The following GRM7 variants were observed in gnomAD, a reference collection of about 807,000 sequenced individuals.
GRM7 encodes the protein glutamate metabotropic receptor 7.
In GRM7, 35 loss-of-function variants were observed where a neutral mutation model predicts 84.5. That is an observed-to-expected ratio of 0.41 (90% CI 0.32 to 0.55). The LOEUF is 0.55. GRM7 is among the 20% of genes least tolerant of loss of function. GRM7 has a pLI of 0.19. For synonymous variants in GRM7, 487 were observed against 455.1 expected (o/e 1.07, Z -0.89); for missense variants, 1,003 against 1,194.6 (o/e 0.84, Z 2.36).
At chr3:7,306,704 T>A in intron 4 of GRM7, 52 bp downstream of exon 4, 1 of 1,451,916 alleles carries the variant, frequency 6.9e-7, no homozygotes, top group Non-Finnish European at 9.3e-7. Context: ...GGTGCCATGC[T>A]GAATGGCCAA....
intron 2 of GRM7, among the ~76,000 whole-genome samples, chr3:7,260,457 T>C (rs923362489): frequency 1.3e-5 from 2 of 152,310 alleles, no homozygotes; most frequent in South Asian, 4.1e-4. Flanking sequence ...CAGGAATTTA[T>C]CCGTTTCTTC....
intron 1 of GRM7, among the ~76,000 whole-genome samples, chr3:7,017,743 T>C (rs6778710): frequency 0.6 from 90,532 of 152,010 alleles, 27,687 homozygotes; most frequent in African/African-American, 0.73. Context: ...TTTTAAAAAG[T>C]TGCCCATATG....
At chr3:6,901,603 C>CAAAAAAAAAAAAAAAAAAAAAAA (rs1160836530) in intron 1 of GRM7, among the ~76,000 whole-genome samples, 1 of 19,330 alleles carries the variant, frequency 5.2e-5, no homozygotes, top group East Asian at 2.5e-3. Context: ...AAGACTCCGT[C>CAAAAAAAAAAAAAAAAAAAAAAA]TAAAAAAAAA....
At chr3:7,488,905 CTACA>C (rs1287246537) in intron 7 of GRM7, among the ~76,000 whole-genome samples, 3 of 112,840 alleles carry the variant, frequency 2.7e-5, no homozygotes, top group Non-Finnish European at 5.7e-5. Flanking sequence ...GAAGACACTA[CTACA>C]TAGACTGTGT....
intron 9 of GRM7, among the ~76,000 whole-genome samples, chr3:7,683,779 G>T (rs1204599804): frequency 1.3e-5 from 2 of 152,126 alleles, no homozygotes; most frequent in Non-Finnish European, 2.9e-5. Context: ...TATTTACATT[G>T]TATTTAAATT....
intron 1 of GRM7, among the ~76,000 whole-genome samples, chr3:7,033,644 T>C (rs1696272722): frequency 1.3e-5 from 2 of 152,342 alleles, no homozygotes; most frequent in Non-Finnish European, 1.5e-5. Context: ...GTCAAACTAA[T>C]TTCTTTTTAC....
At chr3:7,137,927 C>T (rs1463109478) in intron 1 of GRM7, among the ~76,000 whole-genome samples, 1 of 152,072 alleles carries the variant, frequency 6.6e-6, no homozygotes, top group Admixed American at 6.6e-5. Context: ...GAAGACAACA[C>T]ATCAGAGAAG....
chr3:7,415,993 T>G (rs1696143319), intron 5 of GRM7, among the ~76,000 whole-genome samples: 1 of 152,004 alleles, frequency 6.6e-6, no homozygotes, highest in Non-Finnish European at 1.5e-5. Flanking sequence ...GATGCTTGAG[T>G]CAAGATAAAA....
intron 1 of GRM7, among the ~76,000 whole-genome samples, chr3:7,092,519 A>C (rs1052123600): frequency 6.6e-6 from 1 of 151,944 alleles, no homozygotes; most frequent in Non-Finnish European, 1.5e-5. Flanking sequence ...TCAAATGCTT[A>C]CTGACAGTGA....
intron 2 of GRM7, among the ~76,000 whole-genome samples, chr3:7,265,080 G>A (rs1055129347): frequency 6.6e-6 from 1 of 152,210 alleles, no homozygotes; most frequent in African/African-American, 2.4e-5. Flanking sequence ...TGCAAAGAGG[G>A]CAGCTAGATT....
chr3:6,967,263 A>T (rs1366932621), intron 1 of GRM7, among the ~76,000 whole-genome samples: 1 of 152,048 alleles, frequency 6.6e-6, no homozygotes, highest in Admixed American at 6.5e-5. Context: ...ATCACAGCTC[A>T]CTCACTGCAG....
intron 4 of GRM7, among the ~76,000 whole-genome samples, chr3:7,355,382 C>T (rs1693349759): frequency 6.6e-6 from 1 of 152,068 alleles, no homozygotes; most frequent in African/African-American, 2.4e-5. Context: ...GTCCAGGCAC[C>T]TGTGCAAACT....
intron 7 of GRM7, among the ~76,000 whole-genome samples, chr3:7,575,071 G>T (rs1459943219): frequency 6.6e-6 from 1 of 151,994 alleles, no homozygotes; most frequent in Non-Finnish European, 1.5e-5. Flanking sequence ...TGCATAATTT[G>T]CTCTTTCCCT....
At chr3:7,497,843 A>G (rs1227363507) in intron 7 of GRM7, among the ~76,000 whole-genome samples, 2 of 152,216 alleles carry the variant, frequency 1.3e-5, no homozygotes, top group African/African-American at 2.4e-5. Flanking sequence ...TAATGAAAAT[A>G]CTAATGCCCA....
intron 2 of GRM7, among the ~76,000 whole-genome samples, chr3:7,240,267 A>G (rs1003478942): frequency 7.3e-5 from 11 of 151,586 alleles, no homozygotes; most frequent in African/African-American, 2.2e-4. Flanking sequence ...GAATATAAAA[A>G]TATAAAATTA....
intron 1 of GRM7, among the ~76,000 whole-genome samples, chr3:7,033,132 C>T (rs1307410434): frequency 6.6e-5 from 10 of 152,078 alleles, no homozygotes; most frequent in East Asian, 1.9e-4. Flanking sequence ...GTAAATGCAT[C>T]GCTCCAATTT....
chr3:7,225,556 A>G (rs1208307503), intron 2 of GRM7, among the ~76,000 whole-genome samples: 1 of 147,942 alleles, frequency 6.8e-6, no homozygotes, highest in East Asian at 1.9e-4. Flanking sequence ...ATATAAATAT[A>G]TTTATATATA....
chr3:7,264,484 T>C (rs1209798940), intron 2 of GRM7, among the ~76,000 whole-genome samples: 1 of 152,078 alleles, frequency 6.6e-6, no homozygotes, highest in Non-Finnish European at 1.5e-5. Flanking sequence ...TCCTTGCCTG[T>C]TCAACTCACC....
At chr3:7,623,122 G>T (rs577762047) in intron 8 of GRM7, among the ~76,000 whole-genome samples, 1 of 152,234 alleles carries the variant, frequency 6.6e-6, no homozygotes, top group East Asian at 1.9e-4. Flanking sequence ...TGTTATAAAG[G>T]CACACACGAG....
Sources: allele counts gnomAD v4.1 joint callset (sites outside exome capture counted in the v4.1 genomes callset), GRCh38; gene constraint gnomAD v4.1.1; transcripts MANE v1.5; gene names NCBI Gene and HGNC (gene_info 2026-07-23, HGNC 2026-07-21).